MACF1: variants seen among roughly 807,000 people sequenced by gnomAD.
MACF1 encodes the protein microtubule-actin cross-linking factor 1.
Under a neutral mutation model 854.8 loss-of-function variants are expected in MACF1, and 193 were observed. The observed-to-expected ratio is 0.23, with a 90% CI of 0.20 to 0.25. MACF1 has a LOEUF of 0.25. Among genes scored for constraint, MACF1 ranks in the 10% least tolerant of loss-of-function variants. MACF1 has a pLI of 1.00. For synonymous variants in MACF1, 3,185 were observed against 3,226.7 expected (o/e 0.99, Z 0.44); for missense variants, 7,722 against 8,929.1 (o/e 0.86, Z 5.45).
chr1:39,324,113 C>T, intron 33 of MACF1, 80 bp from the exon 34 acceptor site: 5 of 1,421,854 alleles, frequency 3.5e-6, no homozygotes, highest in South Asian at 1.4e-5. Context: ...TTTAGGAAGA[C>T]TTCATTTAAG....
At chr1:39,410,726 AG>A (rs1341752906) in intron 58 of MACF1, 1 of 1,613,818 alleles carries the variant, frequency 6.2e-7, no homozygotes, top group Non-Finnish European at 8.5e-7. Context: ...TCTCTCAGTG[AG>A]GTTTCAGAAG....
chr1:39,362,896 C>T (rs189769921), intron 49 of MACF1, among the ~76,000 whole-genome samples: 3 of 152,336 alleles, frequency 2.0e-5, no homozygotes, highest in Admixed American at 1.3e-4. Flanking sequence ...CCATAGGAAT[C>T]TTCCTCCTTT....
intron 61 of MACF1, among the ~76,000 whole-genome samples, chr1:39,424,632 G>A (rs1256233931): frequency 6.6e-6 from 1 of 152,094 alleles, no homozygotes; most frequent in African/African-American, 2.4e-5. Context: ...TTAGGAGCTA[G>A]TCTGTGGTTC....
At chr1:39,195,717 G>A (rs1450224971) in intron 2 of MACF1, among the ~76,000 whole-genome samples, 2 of 152,190 alleles carry the variant, frequency 1.3e-5, no homozygotes, top group African/African-American at 4.8e-5. Flanking sequence ...GGGAAATATT[G>A]TGAAGCCAGA....
rs1646750448 is a variant in MACF1 at position 39,332,817 on chromosome 1, C to T, written c.6229C>T (p.Pro2077Ser). The T allele has an allele frequency of 1.9e-6, 3 of 1,613,880 alleles. No homozygotes were observed. Among genetic ancestry groups the T allele is most frequent in the Non-Finnish European group, 2.5e-6 (3 of 1,180,014 alleles). The change falls in exon 37 of 101, where the codon CCT becomes TCT. Residue 2077 changes from proline (P) to serine (S), a missense_variant. By Grantham distance (74) the Pro-to-Ser change is moderately conservative. Around this residue, in one of 15 missense-constraint regions of MACF1, gnomAD observed 1,531 missense variants for 1,601.6 expected, o/e 0.96. Coordinates refer to ENST00000564288, the MANE Select transcript of MACF1 (RefSeq NM_001394062.1). ...AACAGAAGATTCTTCTGTAGAGAAC[C>T]CTGAACAGGATCTGTTTGTAGAACA... ...VETEDSSVEN[P>S]EQDLFVEQKE...
At position 39,315,544 on chromosome 1, in the gene MACF1, C is replaced by T; in HGVS notation, c.3302C>T (p.Ser1101Leu). The T allele has an allele frequency of 6.2e-7, 1 of 1,614,120 alleles. No homozygotes were observed. The highest frequency in any genetic ancestry group is 8.5e-7 in the Non-Finnish European group (1 of 1,179,998). The part of the protein sequence containing the change: ...HTQEDLQQLR[S>L]DLDAVSMKCD... ...CAGGAGGATTTACAGCAATTGAGGT[C>T]AGACTTGGATGCAGTTTCTATGAAA... The change falls in exon 27 of 101, where the codon TCA becomes TTA. Residue 1101 changes from serine (S) to leucine (L), a missense_variant. Around this residue, in one of 15 missense-constraint regions of MACF1, gnomAD observed 1,137 missense variants for 1,263.0 expected, o/e 0.90. Coordinates refer to ENST00000564288, the MANE Select transcript of MACF1 (RefSeq NM_001394062.1).
chr1:39,119,039 T>C (rs1028981889), intron 2 of MACF1, among the ~76,000 whole-genome samples: 4 of 152,250 alleles, frequency 2.6e-5, no homozygotes, highest in South Asian at 4.1e-4. Flanking sequence ...ACAAGTGTTA[T>C]AGGCCACGGT....
At chr1:39,292,140 G>A in intron 16 of MACF1, 102 bp downstream of exon 16, 1 of 1,352,008 alleles carries the variant, frequency 7.4e-7, no homozygotes. Flanking sequence ...GGGTGCTCTG[G>A]AAAAGAATAA....
At chr1:39,194,351 C>CTTTTCT (rs1553162049) in intron 2 of MACF1, among the ~76,000 whole-genome samples, 144 of 35,512 alleles carry the variant, frequency 4.1e-3, no homozygotes, top group African/African-American at 0.012. Flanking sequence ...CTTTTCTTTT[C>CTTTTCT]TTTTTTTTTT....
intron 71 of MACF1, 21 bp downstream of exon 71, chr1:39,438,029 T>C (rs1470264150): frequency 6.3e-7 from 1 of 1,598,720 alleles, no homozygotes; most frequent in African/African-American, 1.3e-5. Context: ...ATTGTCATTA[T>C]TTTTAAAAAT....
chr1:39,133,367 G>T (rs1018096959), intron 2 of MACF1, among the ~76,000 whole-genome samples: 1 of 152,244 alleles, frequency 6.6e-6, no homozygotes. Context: ...AGAGAGATCA[G>T]TGGGGAGGCA....
intron 2 of MACF1, among the ~76,000 whole-genome samples, chr1:39,139,244 A>AT (rs900480312): frequency 6.7e-6 from 1 of 149,320 alleles, no homozygotes; most frequent in Admixed American, 6.7e-5. Context: ...AATTGAACAG[A>AT]TTTTTTTTCC....
At chr1:39,374,356 C>T (rs1429996000) in intron 52 of MACF1, among the ~76,000 whole-genome samples, 1 of 152,218 alleles carries the variant, frequency 6.6e-6, no homozygotes, top group Non-Finnish European at 1.5e-5. Context: ...CCTATAGTCA[C>T]TTAACGAGTA....
intron 40 of MACF1, among the ~76,000 whole-genome samples, chr1:39,342,599 C>T (rs1161722615): frequency 1.4e-5 from 2 of 144,630 alleles, no homozygotes; most frequent in East Asian, 4.1e-4. Flanking sequence ...TGCAGTGGTG[C>T]GATCTCAGCT....
chr1:39,259,260 A>G (rs143841143), intron 6 of MACF1, among the ~76,000 whole-genome samples: 1 of 152,142 alleles, frequency 6.6e-6, no homozygotes, highest in East Asian at 1.9e-4. Flanking sequence ...ATTCACCCCA[A>G]CTACTACAAC....
Position 39,387,491 on chromosome 1 carries a change from T to G in MACF1, c.14649T>G (p.His4883Gln), listed in dbSNP as rs79901102. ...ACCAGTTGGTTGAGCTCAAAAACCA[T>G]TGGGAAGAGCTTAGTAAAAAAACTG... ...LQNQLVELKNHWEELSKKTAD... is the reference protein window; with the variant it reads ...LQNQLVELKNQWEELSKKTAD... The change falls in exon 58 of 101, where the codon CAT becomes CAG. Residue 4883 changes from histidine (H) to glutamine (Q), a missense_variant. Coordinates refer to ENST00000564288, the MANE Select transcript of MACF1 (RefSeq NM_001394062.1). The G allele has an allele frequency of 1.2e-6, 2 of 1,613,878 alleles. No homozygotes were observed. Among genetic ancestry groups the G allele is most frequent in the Non-Finnish European group, 1.7e-6 (2 of 1,180,010 alleles).
chr1:39,335,083 A>T lies in MACF1; in HGVS notation c.8495A>T (p.Asp2832Val), dbSNP rs761041101. The change falls in exon 37 of 101, where the codon GAT becomes GTT. Residue 2832 changes from aspartate to valine, a missense_variant. Physicochemically the swap from Asp to Val is radical, Grantham distance 152 (BLOSUM62 -3). Coordinates refer to ENST00000564288, the MANE Select transcript of MACF1 (RefSeq NM_001394062.1). ...AQEKVKVRVSDGEQAKKSREI... is the reference protein window; with the variant it reads ...AQEKVKVRVSVGEQAKKSREI... Reference sequence around the variant, plus strand: ...GAAAAGGTTAAAGTGAGAGTTTCTGATGGGGAGCAGGCAAAAAAGAGCAGG... The same window carrying T: ...GAAAAGGTTAAAGTGAGAGTTTCTGTTGGGGAGCAGGCAAAAAAGAGCAGG... 1.9e-6 allele frequency: 3 copies of T among 1,614,126 alleles called. No individual in the cohort carries two copies. The highest frequency in any genetic ancestry group is 1.1e-5 in the South Asian group (1 of 91,080).
At chr1:39,408,408 G>T (rs1642799636) in intron 58 of MACF1, among the ~76,000 whole-genome samples, 1 of 152,200 alleles carries the variant, frequency 6.6e-6, no homozygotes. Flanking sequence ...GTGTTCTTCG[G>T]TCCGGCAAGG....
At position 39,293,600 on chromosome 1, in the gene MACF1, C is replaced by T; in HGVS notation, c.2135C>T (p.Ala712Val). 6.2e-7 allele frequency: 1 copy of T among 1,612,918 alleles called. No individual in the cohort carries two copies. The stretch of plus-strand genomic sequence containing the variant: ...AGTGACAACAATTCCAATATCTCAG[C>T]CAAGAGAAATTACTTCTCTGTGAGT... ...DWSDNNSNIS[A>V]KRNYFSELTM... Residue 712 changes from alanine to valine, a missense_variant, in exon 18 of 101, where the codon GCC becomes GTC. Ala to Val is a moderately conservative substitution (Grantham distance 64). Transcript: ENST00000564288.
Sources: gnomAD v4.1 joint callset for allele counts (sites outside exome capture counted in the v4.1 genomes callset) on GRCh38, gnomAD v4.1.1 for gene constraint, gnomAD v4.1.1 regional missense constraint, MANE v1.5 for transcripts, NCBI Gene and HGNC (gene_info 2026-07-23, HGNC 2026-07-21) for gene names.